Variants in FLRT1 observed in about 807,000 individuals in gnomAD.
FLRT1 encodes the protein fibronectin leucine rich transmembrane protein 1, also known as leucine-rich repeat transmembrane protein FLRT1.
FLRT1 carries 14 observed loss-of-function variants against 30.9 expected under a neutral mutation model. That is an observed-to-expected ratio of 0.45 (90% CI 0.30 to 0.71). The LOEUF is 0.71. Ranked by LOEUF, FLRT1 falls within the 30% of genes least tolerant of loss-of-function variation. The pLI is 0.08. For synonymous variants in FLRT1, 368 were observed against 430.4 expected, an observed-to-expected ratio of 0.85 and a Z score of 1.80; for missense variants, 737 against 949.2, an observed-to-expected ratio of 0.78 and a Z score of 2.94.
intron 1 of FLRT1, among the ~76,000 whole-genome samples, chr11:64,097,409 A>C (rs771490372): frequency 2.6e-5 from 4 of 152,230 alleles, no homozygotes; most frequent in Non-Finnish European, 5.9e-5. Flanking sequence ...TCCCGTGGCA[A>C]GAGAAGCTCC....
intron 1 of FLRT1, among the ~76,000 whole-genome samples, chr11:64,054,984 C>G (rs1225338097): frequency 6.6e-6 from 1 of 152,168 alleles, no homozygotes; most frequent in Non-Finnish European, 1.5e-5. Flanking sequence ...CAGCCCTTTC[C>G]TACCGCCACT....
At chr11:64,081,208 G>A (rs1941554761) in intron 1 of FLRT1, among the ~76,000 whole-genome samples, 1 of 152,186 alleles carries the variant, frequency 6.6e-6, no homozygotes, top group South Asian at 2.1e-4. Flanking sequence ...TTTTAGTAGA[G>A]ATGGGGTTTC....
At position 64,116,314 on chromosome 11, in the gene FLRT1, C is replaced by T; in HGVS notation, c.47C>T (p.Ala16Val). 6.2e-7 allele frequency: 1 copy of T among 1,608,634 alleles called. No homozygotes were observed. The highest frequency in any genetic ancestry group is 1.1e-5 in the South Asian group (1 of 90,564). The change falls in exon 3 of 3, where the codon GCC becomes GTC. Residue 16 changes from alanine (A) to valine (V), a missense_variant. By Grantham distance (64) the Ala-to-Val change is moderately conservative. Transcript: ENST00000682287. ...PTATATTTPT[A>V]TVTATVVMTT... ...GCCACTGCCACCACCACGCCCACTGCCACTGTCACGGCCACCGTTGTGATG... is the reference window on the plus strand; with the variant it reads ...GCCACTGCCACCACCACGCCCACTGTCACTGTCACGGCCACCGTTGTGATG...
intron 1 of FLRT1, among the ~76,000 whole-genome samples, chr11:64,056,804 C>T (rs76329561): frequency 1.8e-4 from 28 of 152,226 alleles, no homozygotes; most frequent in African/African-American, 6.7e-4. Context: ...AGGGTTCTGG[C>T]TGGTGCAAGG....
At chr11:64,042,713 GTGCTTCA>G (rs1943511909) in intron 1 of FLRT1, among the ~76,000 whole-genome samples, 1 of 152,306 alleles carries the variant, frequency 6.6e-6, no homozygotes, top group South Asian at 2.1e-4. Flanking sequence ...TCACAGTGGG[GTGCTTCA>G]TGCCTCAGTT....
At chr11:64,041,199 T>TAAAAAAAAAAAAAAAAAAAAAAA (rs71045724) in intron 1 of FLRT1, among the ~76,000 whole-genome samples, 1 of 21,600 alleles carries the variant, frequency 4.6e-5, no homozygotes. Flanking sequence ...TAGCAAACTG[T>TAAAAAAAAAAAAAAAAAAAAAAA]AAAAAAAAAA....
At position 64,064,734 on chromosome 11, in the gene FLRT1, C is replaced by T. The variant is rs542928261; in HGVS notation, c.-1038+28575C>T. 6.6e-6 allele frequency among the ~76,000 whole-genome samples: 1 copy of T among 151,124 alleles called. No individual in the cohort carries two copies. Among genetic ancestry groups the T allele is most frequent in the Non-Finnish European group, 1.5e-5 (1 of 67,676 alleles). On this transcript the variant is annotated intron_variant, in intron 1 of 2. Transcript: ENST00000682287. This position sits in a 1 kb window ranked among gnomAD's most constrained non-coding sequence, Gnocchi z 4.5. ...TCCTCTCCCCTCCCTGCCAGCCCCC[C>T]AGCAGGCAGCCAGGCCTGGACCCAC...
chr11:64,060,842 G>T (rs1402020883), intron 1 of FLRT1, among the ~76,000 whole-genome samples: 1 of 152,172 alleles, frequency 6.6e-6, no homozygotes, highest in Admixed American at 6.5e-5. Context: ...CCCGGAGCCG[G>T]CGGGTGTGAA....
chr11:64,076,530 G>A (rs571362129), intron 1 of FLRT1, among the ~76,000 whole-genome samples: 7 of 152,324 alleles, frequency 4.6e-5, no homozygotes, highest in African/African-American at 1.7e-4. Flanking sequence ...TGGCACTGGG[G>A]TCTGGAGACA....
chr11:64,109,096 C>T (rs1000371817), intron 2 of FLRT1, among the ~76,000 whole-genome samples: 1 of 152,160 alleles, frequency 6.6e-6, no homozygotes, highest in African/African-American at 2.4e-5. Context: ...ATGCCCCCAT[C>T]CCAGGGATGG....
Position 64,118,057 on chromosome 11 carries a change from A to G in FLRT1, c.1790A>G (p.Lys597Arg). ...ERAYNRGSRK[K>R]DDYMESGTKK... ...GCCTACAACCGGGGCAGCAGGAAAA[A>G]GGATGACTATATGGAGTCAGGGACC... Residue 597 changes from lysine to arginine, a missense_variant, in exon 3 of 3, where the codon AAG becomes AGG. By Grantham distance (26) the Lys-to-Arg change is conservative. Transcript: ENST00000682287. 1 of 1,613,494 alleles carries G rather than the reference A, an allele frequency of 6.2e-7. No individual in the cohort carries two copies. Among genetic ancestry groups the G allele is most frequent in the Non-Finnish European group, 8.5e-7 (1 of 1,179,804 alleles).
intron 1 of FLRT1, among the ~76,000 whole-genome samples, chr11:64,066,294 CAAAA>C (rs59963244): frequency 3.9e-5 from 2 of 50,946 alleles, no homozygotes; most frequent in African/African-American, 1.3e-4. Context: ...GAGACTGTCT[CAAAA>C]AAAAAAAAAA....
In FLRT1 at chr11:64,035,966, G is replaced by C. The variant is rs1943371705; in HGVS notation, c.-1231G>C. 1.4e-5 allele frequency: 2 copies of C among 147,546 alleles called. No individual in the cohort carries two copies. The highest frequency in any genetic ancestry group is 4.9e-5 in the African/African-American group (2 of 40,432). The allele number at this position is 147,546 out of a possible 1,614,324, so 9.1% of individuals were successfully genotyped here. A position where few individuals can be genotyped will look rare whatever the true frequency, so the allele number is the denominator to read the frequency against. ...CGCGGCTCCGCCGGGCGCCCGAGCCGGGCAGATGCGCCGCCGCGCGCCCCC... is the reference window on the plus strand; with the variant it reads ...CGCGGCTCCGCCGGGCGCCCGAGCCCGGCAGATGCGCCGCCGCGCGCCCCC... On this transcript the variant is annotated 5_prime_UTR_variant, in exon 1 of 3. Coordinates refer to ENST00000682287, the MANE Select transcript of FLRT1 (RefSeq NM_013280.5).
intron 1 of FLRT1, among the ~76,000 whole-genome samples, chr11:64,066,547 A>T (rs1390468201): frequency 6.6e-6 from 1 of 151,508 alleles, no homozygotes; most frequent in Non-Finnish European, 1.5e-5. Flanking sequence ...TGAGCCTGGG[A>T]GGTCAAGGCT....
chr11:64,107,990 CTTATT>C (rs1944793227), intron 2 of FLRT1, among the ~76,000 whole-genome samples: 1 of 152,102 alleles, frequency 6.6e-6, no homozygotes, highest in Non-Finnish European at 1.5e-5. Context: ...TGAAAGTAAC[CTTATT>C]TTATCTTCAC....
At chr11:64,086,593 T>A (rs1944399190) in intron 1 of FLRT1, among the ~76,000 whole-genome samples, 1 of 152,156 alleles carries the variant, frequency 6.6e-6, no homozygotes, top group African/African-American at 2.4e-5. Context: ...TGCACAGCGG[T>A]TCTGCGACTG....
At chr11:64,080,785 G>C (rs1305453202) in intron 1 of FLRT1, among the ~76,000 whole-genome samples, 5 of 152,176 alleles carry the variant, frequency 3.3e-5, no homozygotes, top group African/African-American at 1.2e-4. Flanking sequence ...GGTGCTCAGA[G>C]AGGACCAGCA....
Position 64,036,474 on chromosome 11 carries a change from A to C in FLRT1, c.-1038+315A>C, listed in dbSNP as rs1943382777. 6.6e-6 allele frequency among the ~76,000 whole-genome samples: 1 copy of C among 151,594 alleles called. No homozygotes were observed. Among genetic ancestry groups the C allele is most frequent in the Non-Finnish European group, 1.5e-5 (1 of 67,796 alleles). On this transcript the variant is annotated intron_variant, in intron 1 of 2. Coordinates refer to ENST00000682287, the MANE Select transcript of FLRT1 (RefSeq NM_013280.5). The surrounding 1 kb of genome is among the most constrained non-coding windows in gnomAD (Gnocchi z 5.6). ...GGGGCTCAGCTGGAGCTCTAGTCCA[A>C]GCCCTCGCTGCACCCCCCAGGGAGG...
chr11:64,065,600 T>G (rs189711925), intron 1 of FLRT1, among the ~76,000 whole-genome samples: 1 of 148,292 alleles, frequency 6.7e-6, no homozygotes, highest in Non-Finnish European at 1.5e-5. Flanking sequence ...CCATCCTGGC[T>G]AACACGGTGA....
Sources: allele counts gnomAD v4.1 joint callset (sites outside exome capture counted in the v4.1 genomes callset), GRCh38; gene constraint gnomAD v4.1.1; non-coding constraint Gnocchi (gnomAD v3.1); transcripts MANE v1.5; gene names NCBI Gene and HGNC (gene_info 2026-07-23, HGNC 2026-07-21).